Variants in SYAP1 observed in about 807,000 individuals in gnomAD.
SYAP1 encodes synapse associated protein 1.
Under a neutral mutation model 29.6 loss-of-function variants are expected in SYAP1, and 3 were observed. That is an observed-to-expected ratio of 0.10 (90% CI 0.05 to 0.26). SYAP1 has a LOEUF of 0.26. SYAP1 is among the 10% of genes least tolerant of loss of function. SYAP1 has a pLI of 1.00. For synonymous variants in SYAP1, 102 were observed against 102.7 expected (o/e 0.99, Z 0.04); for missense variants, 217 against 264.1 (o/e 0.82, Z 1.24).
chrX:16,756,513 TATAAC>T, intron 6 of SYAP1, 145 bp from the exon 7 acceptor site: 1 of 502,664 alleles, frequency 2.0e-6, no homozygotes, highest in Non-Finnish European at 3.3e-6. Flanking sequence ...GGCTGTTTCT[TATAAC>T]TTAAGAAAAG....
rs1347138439 is a variant in SYAP1 at position 16,741,916 on chromosome X, T to C, written c.435+127T>C. On this transcript the variant is annotated intron_variant, in intron 4 of 8. Transcript: ENST00000380155. Reference sequence around the variant, plus strand: ...AAAATATTTTGAGATGTTAGGAATGTACACATTAACACATGATGTGTACAT... The same window carrying C: ...AAAATATTTTGAGATGTTAGGAATGCACACATTAACACATGATGTGTACAT... 2.7e-5 allele frequency: 13 copies of C among 484,007 alleles called. No individual in the cohort carries two copies. In the East Asian group the frequency reaches 4.6e-4, roughly 17 times the overall value. 39.9% of individuals were successfully genotyped at this position (484,007 alleles called of 1,213,427 possible).
At position 16,740,064 on chromosome X, in the gene SYAP1, C is replaced by T. The variant is rs975881191; in HGVS notation, c.362-1652C>T. On this transcript the variant is annotated intron_variant, in intron 3 of 8. Coordinates refer to ENST00000380155, the MANE Select transcript of SYAP1 (RefSeq NM_032796.4). ...ACGAGCTTGCCATTGTTTTTGTTTC[C>T]ACTCTAAACACCCCCACCCCCATCC... Among the ~76,000 whole-genome samples the T allele has an allele frequency of 3.6e-5, 4 of 110,666 alleles. No homozygotes were observed. In the Admixed American group the frequency reaches 3.9e-4, roughly 11 times the overall value.
At chrX:16,732,429 C>T (rs1296473325) in intron 1 of SYAP1, among the ~76,000 whole-genome samples, 2 of 101,116 alleles carry the variant, frequency 2.0e-5, no homozygotes, top group South Asian at 4.7e-4. Context: ...GTCACCCAGG[C>T]GCCCAGCTAA....
chrX:16,739,601 C>A (rs1423202225), intron 3 of SYAP1, among the ~76,000 whole-genome samples: 2 of 109,372 alleles, frequency 1.8e-5, no homozygotes. Flanking sequence ...TTCGGCCTCC[C>A]GAGTAGCTGG....
At chrX:16,754,306 T>G (rs1926795305) in intron 5 of SYAP1, among the ~76,000 whole-genome samples, 1 of 111,674 alleles carries the variant, frequency 9.0e-6, no homozygotes, top group African/African-American at 3.3e-5. Flanking sequence ...TGTTTTCTTC[T>G]ACCGAGAGCA....
intron 6 of SYAP1, among the ~76,000 whole-genome samples, chrX:16,755,579 T>TTTTG (rs1926826198): frequency 1.8e-5 from 2 of 110,720 alleles, no homozygotes; most frequent in African/African-American, 6.6e-5. Flanking sequence ...TCCGCCTCCT[T>TTTTG]TTTGTTTGTT....
intron 8 of SYAP1, among the ~76,000 whole-genome samples, chrX:16,759,012 T>C (rs1373604400): frequency 9.9e-6 from 1 of 100,661 alleles, no homozygotes. Flanking sequence ...TGAAACCCCG[T>C]CTCTACTAAA....
intron 5 of SYAP1, among the ~76,000 whole-genome samples, chrX:16,750,041 C>T (rs1457108299): frequency 9.0e-6 from 1 of 111,358 alleles, no homozygotes; most frequent in Non-Finnish European, 1.9e-5. Flanking sequence ...GACAAACAGG[C>T]CCAGTTCTTA....
intron 3 of SYAP1, among the ~76,000 whole-genome samples, chrX:16,739,513 G>A (rs1368919827): frequency 1.3e-5 from 1 of 78,952 alleles, no homozygotes; most frequent in African/African-American, 5.3e-5. Flanking sequence ...GAGTCTGTCT[G>A]TTGCCCAGGC....
Position 16,728,441 on chromosome X carries a change from T to G in SYAP1, c.176-6786T>G, listed in dbSNP as rs1204785888. Reference sequence around the variant, plus strand: ...CAGCACTTTGGGAGGCCAAGGCAGGTGGATCACCTGAGGCCAGGAGTTCAA... The same window carrying G: ...CAGCACTTTGGGAGGCCAAGGCAGGGGGATCACCTGAGGCCAGGAGTTCAA... On this transcript the variant is annotated intron_variant, in intron 1 of 8. Transcript: ENST00000380155. Among the ~76,000 whole-genome samples the G allele has an allele frequency of 2.7e-5, 3 of 110,691 alleles. No homozygotes were observed. The Admixed American group carries it at 2.9e-4, about 11-fold the overall frequency.
intron 1 of SYAP1, among the ~76,000 whole-genome samples, chrX:16,724,391 C>G (rs1260974471): frequency 7.1e-5 from 8 of 111,893 alleles, no homozygotes; most frequent in Non-Finnish European, 1.5e-4. Flanking sequence ...TCAGCATAAA[C>G]CACAATGAGG....
intron 5 of SYAP1, among the ~76,000 whole-genome samples, 199 bp from the exon 6 acceptor site, chrX:16,754,746 A>C (rs1926806126): frequency 9.1e-6 from 1 of 110,448 alleles, no homozygotes; most frequent in Non-Finnish European, 1.9e-5. Flanking sequence ...AAAATTGTTA[A>C]AGCCAATATG....
chrX:16,727,341 C>CTT (rs59067207), intron 1 of SYAP1, among the ~76,000 whole-genome samples: 25 of 79,579 alleles, frequency 3.1e-4, no homozygotes, highest in Non-Finnish European at 4.3e-4. Context: ...TGAGATAAGA[C>CTT]TTTTTTTTTT....
intron 8 of SYAP1, among the ~76,000 whole-genome samples, chrX:16,759,605 C>G (rs114386538): frequency 0.019 from 2,169 of 111,459 alleles, 51 homozygotes; most frequent in African/African-American, 0.068. Context: ...TGTCTCCACT[C>G]TTAAGGAGAC....
intron 3 of SYAP1, among the ~76,000 whole-genome samples, chrX:16,736,811 G>T (rs1431593128): frequency 8.9e-6 from 1 of 112,111 alleles, no homozygotes; most frequent in East Asian, 2.8e-4. Context: ...CCTGGCCTCA[G>T]TTCTGACTTT....
intron 1 of SYAP1, among the ~76,000 whole-genome samples, chrX:16,724,344 A>G (rs191045187): frequency 2.2e-4 from 24 of 111,580 alleles, no homozygotes; most frequent in South Asian, 1.1e-3. Flanking sequence ...TGCCTACCAC[A>G]TATCCAAATT....
chrX:16,759,143 G>A (rs1383992433), intron 8 of SYAP1, among the ~76,000 whole-genome samples: 9 of 105,261 alleles, frequency 8.6e-5, no homozygotes, highest in Non-Finnish European at 1.4e-4. Flanking sequence ...AGTGACCTGA[G>A]ATCATGCCAC....
At chrX:16,755,459 G>GT (rs1316691372) in intron 6 of SYAP1, among the ~76,000 whole-genome samples, 45 of 107,950 alleles carry the variant, frequency 4.2e-4, no homozygotes, top group Middle Eastern at 4.7e-3. Flanking sequence ...TGCCTGGCGA[G>GT]TTTTTTTTTC....
At chrX:16,728,350 TGATTATAAAATCAACTTCTAAA>T (rs1383191780) in intron 1 of SYAP1, among the ~76,000 whole-genome samples, 2 of 111,848 alleles carry the variant, frequency 1.8e-5, no homozygotes, top group Non-Finnish European at 3.8e-5. Flanking sequence ...GCTTTATAGC[TGATTATAAAATCAACTTCTAAA>T]GAGGACCAAA....
Sources: gnomAD v4.1 joint callset for allele counts (sites outside exome capture counted in the v4.1 genomes callset) on GRCh38, gnomAD v4.1.1 for gene constraint, MANE v1.5 for transcripts, NCBI Gene and HGNC (gene_info 2026-07-23, HGNC 2026-07-21) for gene names.